Variants in FCHO1 observed in about 807,000 individuals in gnomAD.
FCHO1 encodes the protein F-BAR domain only protein 1.
In FCHO1, 45 loss-of-function variants were observed where a neutral mutation model predicts 114.4. The ratio of observed to expected loss-of-function variants is 0.39; its 90% CI spans 0.31 to 0.50. The LOEUF is 0.50. Among genes scored for constraint, FCHO1 ranks in the 20% least tolerant of loss-of-function variants. FCHO1 has a pLI of 0.77. For synonymous variants in FCHO1, 480 were observed against 488.9 expected (o/e 0.98, Z 0.24); for missense variants, 1,042 against 1,209.6 (o/e 0.86, Z 2.06).
At chr19:17,787,998 G>A in intron 28 of FCHO1, 152 bp downstream of exon 28, 1 of 1,010,386 alleles carries the variant, frequency 9.9e-7, no homozygotes. Flanking sequence ...GCACAGGTGG[G>A]CAAGGAGGCA....
chr19:17,785,429 G>C (rs533372677), intron 26 of FCHO1, among the ~76,000 whole-genome samples: 2 of 152,152 alleles, frequency 1.3e-5, no homozygotes, highest in African/African-American at 4.8e-5. Context: ...CACCATGTTG[G>C]TCAGGCTTGT....
At chr19:17,770,101 A>G (rs755710702) in intron 7 of FCHO1, among the ~76,000 whole-genome samples, 1 of 152,108 alleles carries the variant, frequency 6.6e-6, no homozygotes, top group Admixed American at 6.6e-5. Flanking sequence ...GGAGTTAGAG[A>G]CCAGCCTGGC....
rs2091300760 is a variant in FCHO1, at chr19:17,770,890, A to G, written c.588A>G (p.Ser196=). ...ACTTTGAGCAGAAGATGCTGGACTC[A>G]GCCCTGGTAAGAACCAGGCATCTGT... ...RADFEQKMLD[S]ALRFQAMEET... Residue 196 remains serine (S), a synonymous_variant, in exon 9 of 29, where the codon TCA becomes TCG. Coordinates refer to ENST00000596536, the MANE Select transcript of FCHO1 (RefSeq NM_015122.3). The G allele has an allele frequency of 6.2e-7, 1 of 1,613,700 alleles. No homozygotes were observed. Among genetic ancestry groups the G allele is most frequent in the Non-Finnish European group, 8.5e-7 (1 of 1,179,888 alleles).
At position 17,783,077 on chromosome 19, in the gene FCHO1, G is replaced by A. The variant is rs772631563; in HGVS notation, c.1998G>A (p.Val666=). The A allele has an allele frequency of 3.2e-5, 51 of 1,613,998 alleles. No homozygotes were observed. The highest frequency in any genetic ancestry group is 4.2e-5 in the Non-Finnish European group (50 of 1,180,016). ...CCTTCCCTGCTGGCATCGTGCGTGTGTTCAGCGGGACCCCACCACCACCTG... is the reference window on the plus strand; with the variant it reads ...CCTTCCCTGCTGGCATCGTGCGTGTATTCAGCGGGACCCCACCACCACCTG... ...TMTFPAGIVR[V]FSGTPPPPVL... Residue 666 remains valine (V), a synonymous_variant, in exon 24 of 29, where the codon GTG becomes GTA. Transcript: ENST00000596536.
At chr19:17,785,987 AAAAG>A (rs971393973) in intron 26 of FCHO1, among the ~76,000 whole-genome samples, 28 of 151,924 alleles carry the variant, frequency 1.8e-4, no homozygotes, top group African/African-American at 6.8e-4. Context: ...TTAAAAAAAA[AAAAG>A]TCTGTTGTGA....
chr19:17,772,718 A>C lies in FCHO1; in HGVS notation c.767A>C (p.Lys256Thr), dbSNP rs1460931709. 6.2e-7 allele frequency: 1 copy of C among 1,614,132 alleles called. No individual in the cohort carries two copies. The highest frequency in any genetic ancestry group is 8.5e-7 in the Non-Finnish European group (1 of 1,180,006). Residue 256 changes from lysine (K) to threonine (T), a missense_variant, in exon 11 of 29, where the codon AAG (lysine) becomes ACG (threonine). By Grantham distance (78) the Lys-to-Thr change is moderately conservative. Transcript: ENST00000596536. Reference sequence around the variant, plus strand: ...CTACTCAGGAAGTTTGCAGAGAGTAAGGGCACAGGCCGGGAGAAGCCTGGT... The same window carrying C: ...CTACTCAGGAAGTTTGCAGAGAGTACGGGCACAGGCCGGGAGAAGCCTGGT... The part of the protein sequence containing the change: ...EMLLRKFAES[K>T]GTGREKPGPL...
Position 17,776,417 on chromosome 19 carries a change from C to A in FCHO1, c.1207+146C>A, listed in dbSNP as rs1199634289. Reference sequence around the variant, plus strand: ...AGTCTCCTTTTCTGTAAAATGAGGTCATTATGAAATTAAGTGAGAGCTGAA... The same window carrying A: ...AGTCTCCTTTTCTGTAAAATGAGGTAATTATGAAATTAAGTGAGAGCTGAA... On this transcript the variant is annotated intron_variant, in intron 17 of 28. Transcript: ENST00000596536. The surrounding 1 kb of genome is among the most constrained non-coding windows in gnomAD (Gnocchi z 4.4). 5.9e-6 allele frequency: 7 copies of A among 1,183,646 alleles called. No individual in the cohort carries two copies. In the Admixed American group the frequency reaches 1.2e-4, roughly 20 times the overall value. 73.3% of individuals were successfully genotyped at this position (1,183,646 alleles called of 1,614,324 possible).
rs144207911 is a variant in FCHO1 at position 17,772,486 on chromosome 19, G to A, written c.624G>A (p.Leu208=). The A allele has an allele frequency of 9.9e-6, 16 of 1,613,946 alleles. No homozygotes were observed. In the African/African-American group the frequency reaches 1.9e-4, roughly 19 times the overall value. The stretch of plus-strand genomic sequence containing the variant: ...TCCAAGCCATGGAGGAGACACACCT[G>A]AGGCACATGAAGGCACTGCTGGGCT... ...LRFQAMEETH[L]RHMKALLGSY... Residue 208 remains leucine, a synonymous_variant, in exon 10 of 29, where the codon CTG becomes CTA. Coordinates refer to ENST00000596536, the MANE Select transcript of FCHO1 (RefSeq NM_015122.3).
At position 17,784,005 on chromosome 19, in the gene FCHO1, G is replaced by T; in HGVS notation, c.2094-98G>T. 6.9e-7 allele frequency: 1 copy of T among 1,456,826 alleles called. No individual in the cohort carries two copies. Among genetic ancestry groups the T allele is most frequent in the Non-Finnish European group, 9.4e-7 (1 of 1,067,770 alleles). 90.2% of individuals were successfully genotyped at this position (1,456,826 alleles called of 1,614,324 possible). The stretch of plus-strand genomic sequence containing the variant: ...TAGGGCTTTGCTGGGCCCAGGGTGG[G>T]CCAGGAAATTGCATCTTTAGGAAGG... On this transcript the variant is annotated intron_variant, in intron 24 of 28. Coordinates refer to ENST00000596536, the MANE Select transcript of FCHO1 (RefSeq NM_015122.3). This position sits in a 1 kb window ranked among gnomAD's most constrained non-coding sequence, Gnocchi z 5.3.
intron 22 of FCHO1, 38 bp from the exon 23 acceptor site, chr19:17,781,674 C>T: frequency 6.4e-7 from 1 of 1,554,446 alleles, no homozygotes; most frequent in Non-Finnish European, 8.8e-7. Flanking sequence ...TTCACACTGT[C>T]TATCCGTTGT....
At chr19:17,765,666 A>G (rs1455620683) in intron 6 of FCHO1, among the ~76,000 whole-genome samples, 2 of 151,788 alleles carry the variant, frequency 1.3e-5, no homozygotes, top group Non-Finnish European at 2.9e-5. Flanking sequence ...GAGCCAGACC[A>G]TGCCTCAAAA....
rs760403013 is a variant in FCHO1 at position 17,778,803 on chromosome 19, C to T, written c.1546C>T (p.Arg516Trp). The T allele has an allele frequency of 3.2e-6, 5 of 1,543,406 alleles. No individual in the cohort carries two copies. The highest frequency in any genetic ancestry group is 3.5e-6 in the Non-Finnish European group (4 of 1,150,828). The change falls in exon 20 of 29, where the codon CGG becomes TGG. Residue 516 changes from arginine (R) to tryptophan (W), a missense_variant. Around this residue, in one of 3 missense-constraint regions of FCHO1, gnomAD observed 455 missense variants for 455.4 expected, o/e 1.00. Coordinates refer to ENST00000596536, the MANE Select transcript of FCHO1 (RefSeq NM_015122.3). ...RAPPPEARGI[R>W]APPLPDSPQP... ...GCCACCCCCAGAGGCCAGGGGTATC[C>T]GGGCACCGCCTCTGCCAGACTCGCC...
chr19:17,783,300 T>A (rs1442150522), intron 24 of FCHO1, 128 bp downstream of exon 24: 1 of 1,035,228 alleles, frequency 9.7e-7, no homozygotes, highest in Non-Finnish European at 1.4e-6. Context: ...GGAGTCTTGC[T>A]CTGTCGCCCA....
chr19:17,786,550 T>C (rs2093913531), intron 26 of FCHO1, 24 bp from the exon 27 acceptor site: 1 of 1,610,950 alleles, frequency 6.2e-7, no homozygotes, highest in African/African-American at 1.3e-5. Flanking sequence ...GGGGAAGCCC[T>C]GATTAAGATT....
At chr19:17,770,701 C>A in intron 8 of FCHO1, 91 bp from the exon 9 acceptor site, 2 of 1,582,480 alleles carry the variant, frequency 1.3e-6, no homozygotes, top group Admixed American at 1.7e-5. Context: ...ACCCTGGGTA[C>A]CCCGAGGAGT....
chr19:17,782,913 G>A (rs1221246199), intron 23 of FCHO1, 104 bp from the exon 24 acceptor site: 7 of 1,307,092 alleles, frequency 5.4e-6, no homozygotes, highest in African/African-American at 2.9e-5. Flanking sequence ...TCCTAGATCC[G>A]AGGAGTCTGG....
At position 17,787,223 on chromosome 19, in the gene FCHO1, C is replaced by CAAA. The variant is rs61302593; in HGVS notation, c.2483-431_2483-429dup. Among the ~76,000 whole-genome samples the CAAA allele has an allele frequency of 7.5e-4, 30 of 39,838 alleles. 2 individuals are homozygous for CAAA. Among genetic ancestry groups the CAAA allele is most frequent in the Non-Finnish European group, 1.1e-3 (22 of 20,822 alleles). 26.1% of individuals were successfully genotyped at this position (39,838 alleles called of 152,430 possible). On this transcript the variant is annotated intron_variant, in intron 27 of 28. Coordinates refer to ENST00000596536, the MANE Select transcript of FCHO1 (RefSeq NM_015122.3). ...AGGGTGACAGAGCGAGACTCTGTCTCAAAAAAAAAAAAAAAAAAAAAAAAA... is the reference window on the plus strand; with the variant it reads ...AGGGTGACAGAGCGAGACTCTGTCTCAAAAAAAAAAAAAAAAAAAAAAAAAAAA...
chr19:17,778,492 G>A, intron 19 of FCHO1, 117 bp from the exon 20 acceptor site: 12 of 1,185,270 alleles, frequency 1.0e-5, no homozygotes, highest in Non-Finnish European at 1.3e-5. Flanking sequence ...GCGTGCACAA[G>A]GACTTTGAAT....
In FCHO1 at chr19:17,779,989, C is replaced by G. The variant is rs1180044337; in HGVS notation, c.1627+1105C>G. ...GGCGGGATGGGCTCCTGGGGGCTGT[C>G]TGAGGAGAATGGGAAGCCCCCGAGT... On this transcript the variant is annotated intron_variant, in intron 20 of 28. Transcript: ENST00000596536. Among the ~76,000 whole-genome samples, 3 of 151,526 alleles carry G rather than the reference C, an allele frequency of 2.0e-5. No individual in the cohort carries two copies. In the East Asian group the frequency reaches 5.9e-4, roughly 30 times the overall value.
Sources: gnomAD v4.1 joint callset for allele counts (sites outside exome capture counted in the v4.1 genomes callset) on GRCh38, gnomAD v4.1.1 for gene constraint, gnomAD v4.1.1 regional missense constraint, Gnocchi (gnomAD v3.1) non-coding constraint, MANE v1.5 for transcripts, NCBI Gene and HGNC (gene_info 2026-07-23, HGNC 2026-07-21) for gene names.